The following FRMPD2 variants were observed in gnomAD, a reference collection of about 807,000 sequenced individuals.
FRMPD2 encodes the protein FERM and PDZ domain containing 2.
In FRMPD2, 96 loss-of-function variants were observed where a neutral mutation model predicts 140.1. That is an observed-to-expected ratio of 0.69 (90% CI 0.58 to 0.81). The LOEUF is 0.81. Among genes scored for constraint, FRMPD2 ranks in the 40% least tolerant of loss-of-function variants. The pLI, the probability that FRMPD2 is intolerant of heterozygous loss-of-function variation, is 0.00. For synonymous variants in FRMPD2, 449 were observed against 547.6 expected (o/e 0.82, Z 2.52); for missense variants, 1,240 against 1,447.4 (o/e 0.86, Z 2.32).
intron 1 of FRMPD2, among the ~76,000 whole-genome samples, chr10:48,261,869 G>A (rs953148119): frequency 1.3e-5 from 2 of 152,132 alleles, no homozygotes; most frequent in African/African-American, 4.8e-5. Flanking sequence ...ATATGTACCT[G>A]TACTACACAT....
At chr10:48,243,516 C>G (rs562761445) in intron 4 of FRMPD2, among the ~76,000 whole-genome samples, 1 of 152,302 alleles carries the variant, frequency 6.6e-6, no homozygotes, top group African/African-American at 2.4e-5. Context: ...GAGCATTAAA[C>G]TAAGTGCAGG....
intron 1 of FRMPD2, among the ~76,000 whole-genome samples, chr10:48,258,455 G>A (rs1840525507): frequency 6.6e-6 from 1 of 152,186 alleles, no homozygotes; most frequent in Non-Finnish European, 1.5e-5. Context: ...CACTGACACA[G>A]TATGACCTTG....
intron 28 of FRMPD2, among the ~76,000 whole-genome samples, chr10:48,161,570 T>TA (rs1379184591): frequency 6.6e-6 from 1 of 151,618 alleles, no homozygotes; most frequent in African/African-American, 2.4e-5. Flanking sequence ...TGTGTAACTT[T>TA]AAATGCTGGC....
chr10:48,173,541 G>T (rs879997094), intron 24 of FRMPD2, among the ~76,000 whole-genome samples: 1 of 151,580 alleles, frequency 6.6e-6, no homozygotes, highest in Admixed American at 6.6e-5. Context: ...CCAGTGACCC[G>T]CTGGGCCGTG....
At chr10:48,220,799 A>G (rs751453857) in intron 12 of FRMPD2, among the ~76,000 whole-genome samples, 3 of 152,248 alleles carry the variant, frequency 2.0e-5, no homozygotes, top group Non-Finnish European at 4.4e-5. Context: ...GACAATTCTC[A>G]AAAGAAGATA....
At chr10:48,234,199 A>G (rs938251114) in intron 9 of FRMPD2, among the ~76,000 whole-genome samples, 9 of 152,238 alleles carry the variant, frequency 5.9e-5, no homozygotes, top group African/African-American at 2.2e-4. Context: ...GGTCCCAGGT[A>G]CCTGCAAGGG....
intron 10 of FRMPD2, among the ~76,000 whole-genome samples, chr10:48,225,007 C>T (rs972956858): frequency 6.6e-6 from 1 of 152,166 alleles, no homozygotes; most frequent in Non-Finnish European, 1.5e-5. Flanking sequence ...AACATGCTCT[C>T]ACCAGCCCTG....
At chr10:48,160,392 G>T (rs1286338328) in intron 28 of FRMPD2, among the ~76,000 whole-genome samples, 1 of 151,084 alleles carries the variant, frequency 6.6e-6, no homozygotes, top group Non-Finnish European at 1.5e-5. Flanking sequence ...GTAAGTTCCG[G>T]CAATTTGCTG....
chr10:48,197,711 G>A (rs1409984873), intron 15 of FRMPD2, among the ~76,000 whole-genome samples: 1 of 152,134 alleles, frequency 6.6e-6, no homozygotes, highest in Non-Finnish European at 1.5e-5. Context: ...GGCCAAAGAA[G>A]AACTAATGCC....
chr10:48,240,252 A>T, intron 6 of FRMPD2, 108 bp downstream of exon 6: 1 of 1,265,514 alleles, frequency 7.9e-7, no homozygotes. Flanking sequence ...TGGCACTTAC[A>T]TAGGCTTTCT....
At chr10:48,159,785 G>A (rs1342869074) in intron 28 of FRMPD2, among the ~76,000 whole-genome samples, 2 of 151,448 alleles carry the variant, frequency 1.3e-5, no homozygotes, top group Non-Finnish European at 1.5e-5. Context: ...ATATGTGCTA[G>A]GCAAAAAGAG....
chr10:48,207,425 A>C (rs1023851629), intron 13 of FRMPD2, among the ~76,000 whole-genome samples: 1 of 152,108 alleles, frequency 6.6e-6, no homozygotes, highest in Non-Finnish European at 1.5e-5. Flanking sequence ...GTTGTGAACC[A>C]CCCTGCAGAG....
chr10:48,268,178 T>C (rs1177762375), intron 1 of FRMPD2, among the ~76,000 whole-genome samples: 1 of 152,022 alleles, frequency 6.6e-6, no homozygotes, highest in Non-Finnish European at 1.5e-5. Flanking sequence ...AAGTCTATAA[T>C]GAGATATCCC....
rs144895027 is a variant in FRMPD2 at position 48,220,990 on chromosome 10, G to A, written c.1455+1323C>T. 2.0e-3 allele frequency among the ~76,000 whole-genome samples: 307 copies of A among 152,304 alleles called. 12 individuals carry two copies. The East Asian group carries it at 0.052, about 26-fold the overall frequency. On this transcript the variant is annotated intron_variant, in intron 12 of 28. Coordinates refer to ENST00000374201, the MANE Select transcript of FRMPD2 (RefSeq NM_001018071.4). ...AAGGGAACACTTTTATACTGCTGGT[G>A]GGAATGTAAGCTAGTACAACCACTA... is the stretch of plus-strand genomic sequence containing the variant.
At chr10:48,212,134 G>T (rs1343945536) in intron 12 of FRMPD2, 25 bp from the exon 13 acceptor site, 6 of 1,612,338 alleles carry the variant, frequency 3.7e-6, no homozygotes, top group Non-Finnish European at 5.1e-6. Context: ...TAGAAGGGAA[G>T]GGCACAATCC....
At chr10:48,174,832 C>T (rs782451555) in intron 24 of FRMPD2, 38 bp downstream of exon 24, 37 of 660,420 alleles carry the variant, frequency 5.6e-5, no homozygotes, top group African/African-American at 2.8e-4. Context: ...AGGAAAGTTC[C>T]GGAAGGAGGG....
At chr10:48,250,795 C>CTTT (rs34856884) in intron 2 of FRMPD2, among the ~76,000 whole-genome samples, 7 of 117,106 alleles carry the variant, frequency 6.0e-5, no homozygotes, top group Admixed American at 8.5e-5. Flanking sequence ...GTAGGTCTGC[C>CTTT]TTTTTTTTTT....
rs1003477450 is a variant in FRMPD2 at position 48,258,029 on chromosome 10, C to T, written c.26-6338G>A. Among the ~76,000 whole-genome samples the T allele has an allele frequency of 3.1e-4, 47 of 152,288 alleles. 1 individual carries two copies. The highest frequency in any genetic ancestry group is 2.1e-3 in the Admixed American group (32 of 15,306). Reference sequence around the variant, plus strand: ...ATGCCTCAAATATCTCCATGACACCCTAGGAAGGAACCAGGAAGAATGTGG... The same window carrying T: ...ATGCCTCAAATATCTCCATGACACCTTAGGAAGGAACCAGGAAGAATGTGG... On this transcript the variant is annotated intron_variant, in intron 1 of 28. Coordinates refer to ENST00000374201, the MANE Select transcript of FRMPD2 (RefSeq NM_001018071.4).
rs1398091674 is a variant in FRMPD2, at chr10:48,192,776, A to G, written c.2073T>C (p.Leu691=). The change falls in exon 16 of 29, where the codon CTT becomes CTC. Residue 691 remains leucine, a synonymous_variant. Coordinates refer to ENST00000374201, the MANE Select transcript of FRMPD2 (RefSeq NM_001018071.4). The part of the protein sequence containing the change: ...CSENELFVSR[L]QGAAGGLLST... ...TCAGCAGGCCTCCTGCAGCACCCTG[A>G]AGCCTGGATACAAACAACTCGTTTT... 6.2e-7 allele frequency: 1 copy of G among 1,614,070 alleles called. No homozygotes were observed. The highest frequency in any genetic ancestry group is 8.5e-7 in the Non-Finnish European group (1 of 1,180,006).
Sources: allele counts gnomAD v4.1 joint callset (sites outside exome capture counted in the v4.1 genomes callset), GRCh38; gene constraint gnomAD v4.1.1; transcripts MANE v1.5; gene names NCBI Gene and HGNC (gene_info 2026-07-23, HGNC 2026-07-21).